NKAIN3: variants seen among roughly 807,000 people sequenced by gnomAD.
NKAIN3 encodes sodium/potassium transporting ATPase interacting 3, also known as sodium/potassium-transporting ATPase subunit beta-1-interacting protein 3.
A neutral mutation model predicts 30.2 loss-of-function variants in NKAIN3; 25 were observed. The observed-to-expected ratio is 0.83, with a 90% CI of 0.60 to 1.16. The LOEUF (loss-of-function observed/expected upper bound fraction) is 1.16, where lower values mean the gene tolerates loss of function less well. Among genes scored for constraint, NKAIN3 ranks in the 50% most tolerant of loss-of-function variants. The probability of loss-of-function intolerance (pLI) is 0.00; values close to 1 mark genes in which losing one functional copy is unlikely to be tolerated. For synonymous variants in NKAIN3, 91 were observed against 89.6 expected, an observed-to-expected ratio of 1.02 and a Z score of -0.09; for missense variants, 225 against 254.1, an observed-to-expected ratio of 0.89 and a Z score of 0.78.
At chr8:62,675,124 G>C (rs1813434214) in intron 3 of NKAIN3, among the ~76,000 whole-genome samples, 1 of 152,062 alleles carries the variant, frequency 6.6e-6, no homozygotes, top group African/African-American at 2.4e-5. Context: ...TGCGAAATGA[G>C]GTTATGAATA....
chr8:62,370,101 A>T (rs1375638337), intron 1 of NKAIN3, among the ~76,000 whole-genome samples: 1 of 152,046 alleles, frequency 6.6e-6, no homozygotes, highest in Non-Finnish European at 1.5e-5. Context: ...TTAAATGTTT[A>T]TAAAAGTTAC....
chr8:62,410,526 G>A (rs1804205936), intron 1 of NKAIN3, among the ~76,000 whole-genome samples: 1 of 152,070 alleles, frequency 6.6e-6, no homozygotes, highest in Non-Finnish European at 1.5e-5. Context: ...GAATGAAATT[G>A]AGACGTAAGA....
chr8:62,713,614 A>G (rs2130499594), intron 3 of NKAIN3, among the ~76,000 whole-genome samples: 1 of 152,324 alleles, frequency 6.6e-6, no homozygotes, highest in Admixed American at 6.5e-5. Context: ...CAACATGTCT[A>G]TTATAAACTG....
chr8:62,581,110 T>A (rs867173745), intron 2 of NKAIN3, among the ~76,000 whole-genome samples: 2 of 114,336 alleles, frequency 1.7e-5, no homozygotes, highest in African/African-American at 7.4e-5. Flanking sequence ...CTCAAAAAAA[T>A]ATAAAATAAA....
intron 1 of NKAIN3, among the ~76,000 whole-genome samples, chr8:62,456,496 G>A (rs1018556783): frequency 1.5e-4 from 23 of 151,754 alleles, no homozygotes; most frequent in African/African-American, 5.3e-4. Flanking sequence ...TCCAGCTTGG[G>A]CGACAGAGCG....
At position 62,502,579 on chromosome 8, in the gene NKAIN3, G is replaced by A. The variant is rs1025163737; in HGVS notation, c.55-76960G>A. Among the ~76,000 whole-genome samples, 13 of 149,492 alleles carry A rather than the reference G, an allele frequency of 8.7e-5. No individual in the cohort carries two copies. The East Asian group carries it at 1.4e-3, about 16-fold the overall frequency. On this transcript the variant is annotated intron_variant, in intron 1 of 6. Coordinates refer to ENST00000623646, the MANE Select transcript of NKAIN3 (RefSeq NM_001304533.3). ...CTTCTTCTTCTCAGTATCTACTTCCGACCTTCTTTTTCTTAACTTGCACTT... is the reference window on the plus strand; with the variant it reads ...CTTCTTCTTCTCAGTATCTACTTCCAACCTTCTTTTTCTTAACTTGCACTT...
At chr8:62,572,764 G>T (rs1272650931) in intron 1 of NKAIN3, among the ~76,000 whole-genome samples, 2 of 152,230 alleles carry the variant, frequency 1.3e-5, no homozygotes, top group African/African-American at 2.4e-5. Context: ...ACTATCATGA[G>T]AAAAGCACAG....
rs1205983232 is a variant in NKAIN3, at chr8:62,435,855, C to T, written c.55-143684C>T. On this transcript the variant is annotated intron_variant, in intron 1 of 6. Coordinates refer to ENST00000623646, the MANE Select transcript of NKAIN3 (RefSeq NM_001304533.3). ...AAACCTCATGTCTACTTCAGTATACCTATTTTGTAGACAAAATCTGTTTTG... is the reference window on the plus strand; with the variant it reads ...AAACCTCATGTCTACTTCAGTATACTTATTTTGTAGACAAAATCTGTTTTG... 2.6e-5 allele frequency among the ~76,000 whole-genome samples: 4 copies of T among 152,050 alleles called. No homozygotes were observed. The East Asian group carries it at 7.7e-4, about 29-fold the overall frequency.
chr8:62,386,943 A>AGAAAG (rs534319738), intron 1 of NKAIN3, among the ~76,000 whole-genome samples: 3 of 122,354 alleles, frequency 2.5e-5, no homozygotes, highest in African/African-American at 6.0e-5. Flanking sequence ...GAGAGAGAGA[A>AGAAAG]AGAGAGAGAG....
chr8:62,766,931 T>A (rs531734340), intron 4 of NKAIN3, among the ~76,000 whole-genome samples: 3 of 124,950 alleles, frequency 2.4e-5, no homozygotes, highest in Non-Finnish European at 3.2e-5. Flanking sequence ...CCGGCGAGCA[T>A]CACAGTAGCC....
intron 1 of NKAIN3, among the ~76,000 whole-genome samples, chr8:62,443,972 A>G (rs1167183089): frequency 1.3e-5 from 2 of 152,166 alleles, no homozygotes; most frequent in African/African-American, 4.8e-5. Flanking sequence ...GTTACTTTAT[A>G]TATAAAAAAC....
Position 62,755,000 on chromosome 8 carries a change from T to C in NKAIN3, c.471+7871T>C, listed in dbSNP as rs191257345. ...CAAAAATGTAAATATAGTTAAAAGATTTTTTTAAATTTCTGTGTTAACATT... is the reference window on the plus strand; with the variant it reads ...CAAAAATGTAAATATAGTTAAAAGACTTTTTTAAATTTCTGTGTTAACATT... On this transcript the variant is annotated intron_variant, in intron 4 of 6. Transcript: ENST00000623646. Among the ~76,000 whole-genome samples, 418 of 152,348 alleles carry C rather than the reference T, an allele frequency of 2.7e-3. 3 individuals carry two copies. The highest frequency in any genetic ancestry group is 9.7e-3 in the African/African-American group (403 of 41,584).
intron 3 of NKAIN3, among the ~76,000 whole-genome samples, chr8:62,677,901 T>C (rs778422869): frequency 7.9e-5 from 12 of 152,182 alleles, no homozygotes; most frequent in Non-Finnish European, 1.3e-4. Flanking sequence ...TATCCCCTGG[T>C]CTAGCTAGGC....
chr8:62,735,346 C>G (rs968079349), intron 3 of NKAIN3, among the ~76,000 whole-genome samples: 4 of 51,310 alleles, frequency 7.8e-5, no homozygotes, highest in Non-Finnish European at 3.0e-4. Flanking sequence ...ATTCAAAAAC[C>G]TTTCTTTCTT....
rs1816483738 is a variant in NKAIN3, at chr8:62,359,611, A to T, written c.54+110484A>T. Among the ~76,000 whole-genome samples, 3 of 152,206 alleles carry T rather than the reference A, an allele frequency of 2.0e-5. 1 individual carries two copies. The South Asian group carries it at 6.2e-4, about 31-fold the overall frequency. On this transcript the variant is annotated intron_variant, in intron 1 of 6. Transcript: ENST00000623646. The stretch of plus-strand genomic sequence containing the variant: ...GGACCAATGGCTGTCATCCACCAAC[A>T]GATAGCTCATTCCACTACTATGAAG...
chr8:62,353,702 C>T (rs1027565919), intron 1 of NKAIN3, among the ~76,000 whole-genome samples: 9 of 152,076 alleles, frequency 5.9e-5, no homozygotes, highest in Admixed American at 3.3e-4. Flanking sequence ...TAAATACTTA[C>T]TAATAAATAA....
At chr8:62,664,199 TTTGA>T (rs1813028663) in intron 3 of NKAIN3, among the ~76,000 whole-genome samples, 1 of 151,950 alleles carries the variant, frequency 6.6e-6, no homozygotes, top group Admixed American at 6.6e-5. Context: ...ACTAGATCAC[TTTGA>T]TTAAGTATCA....
chr8:62,438,737 C>T (rs1024203777), intron 1 of NKAIN3, among the ~76,000 whole-genome samples: 18 of 151,960 alleles, frequency 1.2e-4, no homozygotes, highest in Admixed American at 7.9e-4. Context: ...AATTTTTGTA[C>T]TTTTTGGTGG....
intron 3 of NKAIN3, among the ~76,000 whole-genome samples, chr8:62,680,193 C>T (rs1320852637): frequency 2.0e-5 from 3 of 152,126 alleles, no homozygotes; most frequent in Non-Finnish European, 4.4e-5. Context: ...GGAACTCAGT[C>T]CTACAAGCAC....
Sources: allele counts gnomAD v4.1 joint callset (sites outside exome capture counted in the v4.1 genomes callset), GRCh38; gene constraint gnomAD v4.1.1; transcripts MANE v1.5; gene names NCBI Gene and HGNC (gene_info 2026-07-23, HGNC 2026-07-21).